GLI2: variants seen among roughly 807,000 people sequenced by gnomAD.
The protein encoded by GLI2 is transcription activator GLI2.
A neutral mutation model predicts 78.9 loss-of-function variants in GLI2; 22 were observed. The ratio of observed to expected loss-of-function variants is 0.28; its 90% CI spans 0.20 to 0.40. The LOEUF (loss-of-function observed/expected upper bound fraction) is 0.40, where lower values mean the gene tolerates loss of function less well. Among genes scored for constraint, GLI2 ranks in the 10% least tolerant of loss-of-function variants. The pLI, the probability that GLI2 is intolerant of heterozygous loss-of-function variation, is 1.00. For missense variants in GLI2, 2,097 were observed against 2,213.2 expected (o/e 0.95, Z 1.05); for synonymous variants, 974 against 963.7 (o/e 1.01, Z -0.20).
intron 1 of GLI2, among the ~76,000 whole-genome samples, chr2:120,796,446 C>T (rs1573388106): frequency 2.0e-5 from 3 of 152,214 alleles, no homozygotes; most frequent in African/African-American, 7.2e-5. Context: ...TGCTCAAGAC[C>T]CTCTGATGCC....
At chr2:120,780,251 G>A (rs1442240966) in intron 1 of GLI2, among the ~76,000 whole-genome samples, 2 of 152,198 alleles carry the variant, frequency 1.3e-5, no homozygotes, top group East Asian at 3.9e-4. Context: ...TTTGAATCCA[G>A]ATGAGCAGAT....
At chr2:120,856,116 C>A (rs1459246269) in intron 2 of GLI2, among the ~76,000 whole-genome samples, 3 of 152,124 alleles carry the variant, frequency 2.0e-5, no homozygotes, top group Non-Finnish European at 4.4e-5. Flanking sequence ...TGGAACTGAT[C>A]CCTGGGCTGC....
At chr2:120,983,004 C>A in intron 11 of GLI2, 124 bp downstream of exon 11, 1 of 825,370 alleles carries the variant, frequency 1.2e-6, no homozygotes, top group Non-Finnish European at 2.0e-6. Flanking sequence ...CACTGACCAG[C>A]TATACATCCT....
Position 120,955,427 on chromosome 2 carries a change from G to A in GLI2, c.640G>A (p.Asp214Asn), listed in dbSNP as rs1681209904. 2 of 1,597,066 alleles carry A rather than the reference G, an allele frequency of 1.3e-6. No homozygotes were observed. Among genetic ancestry groups the A allele is most frequent in the South Asian group, 1.1e-5 (1 of 89,808 alleles). The part of the protein sequence containing the change: ...PHLHDYLNPV[D>N]VSRFSSPRVT... ...TCTCCACGACTACCTCAACCCCGTG[G>A]ACGGTGAGTGCTGGCCCCCAGGGGC... is the stretch of plus-strand genomic sequence containing the variant. Residue 214 changes from aspartate (D) to asparagine (N), a missense_variant, in exon 5 of 14, where the codon GAC becomes AAC. Coordinates refer to ENST00000361492, the MANE Select transcript of GLI2 (RefSeq NM_001374353.1).
Position 120,879,065 on chromosome 2 carries a change from C to T in GLI2, c.149-48296C>T, listed in dbSNP as rs1465318952. 3.3e-5 allele frequency among the ~76,000 whole-genome samples: 5 copies of T among 152,276 alleles called. No homozygotes were observed. In the South Asian group the frequency reaches 1.0e-3, roughly 32 times the overall value. On this transcript the variant is annotated intron_variant, in intron 2 of 13. Coordinates refer to ENST00000361492, the MANE Select transcript of GLI2 (RefSeq NM_001374353.1). ...GTGTGTGTCTCCTCCGGCATTGCCC[C>T]GTGGGGTTTGGAATGGCGCTGGCTG...
intron 1 of GLI2, among the ~76,000 whole-genome samples, chr2:120,755,860 A>C (rs1454195173): frequency 6.6e-6 from 1 of 152,152 alleles, no homozygotes; most frequent in Non-Finnish European, 1.5e-5. Flanking sequence ...TTGCCTTTGC[A>C]CCTTTGTAAA....
chr2:120,809,119 A>T (rs1297612592), intron 2 of GLI2, among the ~76,000 whole-genome samples: 1 of 152,264 alleles, frequency 6.6e-6, no homozygotes, highest in East Asian at 1.9e-4. Flanking sequence ...TGACCCAAGC[A>T]TCCATCCGCT....
chr2:120,855,899 C>CAT (rs1343736411), intron 2 of GLI2, among the ~76,000 whole-genome samples: 1 of 152,186 alleles, frequency 6.6e-6, no homozygotes, highest in Non-Finnish European at 1.5e-5. Context: ...GGAAGGCACA[C>CAT]ATATGTTCTA....
intron 2 of GLI2, among the ~76,000 whole-genome samples, chr2:120,827,695 T>A (rs1049418437): frequency 2.0e-5 from 3 of 152,242 alleles, no homozygotes; most frequent in Non-Finnish European, 4.4e-5. Context: ...AGAGGGCTGT[T>A]ATGCAGCCTT....
At chr2:120,937,353 G>C (rs923785329) in intron 3 of GLI2, among the ~76,000 whole-genome samples, 1 of 152,122 alleles carries the variant, frequency 6.6e-6, no homozygotes, top group East Asian at 1.9e-4. Flanking sequence ...CACCTGAATA[G>C]TGTGCATTGC....
chr2:120,773,969 C>G lies in GLI2; in HGVS notation c.-30-23322C>G, dbSNP rs139200699. Among the ~76,000 whole-genome samples, 1,304 of 134,884 alleles carry G rather than the reference C, an allele frequency of 9.7e-3. 25 individuals carry two copies. The highest frequency in any genetic ancestry group is 0.036 in the Admixed American group (466 of 13,050). 88.5% of individuals were successfully genotyped at this position (134,884 alleles called of 152,430 possible). A position where few individuals can be genotyped will look rare whatever the true frequency, so the allele number is the denominator to read the frequency against. On this transcript the variant is annotated intron_variant, in intron 1 of 13. Transcript: ENST00000361492. Reference sequence around the variant, plus strand: ...TCCCTCCCTCCTTCCCTCCCTCCTTCCCTCTCTCCTTCCCTCTCTGGCTTC... The same window carrying G: ...TCCCTCCCTCCTTCCCTCCCTCCTTGCCTCTCTCCTTCCCTCTCTGGCTTC...
At chr2:120,935,291 C>T (rs1680144620) in intron 3 of GLI2, among the ~76,000 whole-genome samples, 2 of 152,232 alleles carry the variant, frequency 1.3e-5, no homozygotes, top group African/African-American at 4.8e-5. Context: ...TTCCTTAAAA[C>T]CGGCTGTTGC....
intron 2 of GLI2, among the ~76,000 whole-genome samples, chr2:120,907,110 C>G (rs147585473): frequency 1.3e-5 from 2 of 152,296 alleles, no homozygotes; most frequent in Non-Finnish European, 2.9e-5. Context: ...ATCAAACAAG[C>G]CTAGTCGCAG....
At chr2:120,774,176 C>A (rs1300002397) in intron 1 of GLI2, among the ~76,000 whole-genome samples, 5 of 152,132 alleles carry the variant, frequency 3.3e-5, no homozygotes, top group African/African-American at 9.7e-5. Context: ...CTGAACTGGG[C>A]CTTCCATTCA....
chr2:120,838,477 C>G (rs1400508486), intron 2 of GLI2, among the ~76,000 whole-genome samples: 1 of 152,090 alleles, frequency 6.6e-6, no homozygotes, highest in Non-Finnish European at 1.5e-5. Flanking sequence ...CAATTTTTCT[C>G]TCTTTAGTTA....
chr2:120,870,590 G>C (rs760718992), intron 2 of GLI2, among the ~76,000 whole-genome samples: 1 of 152,162 alleles, frequency 6.6e-6, no homozygotes, highest in East Asian at 1.9e-4. Flanking sequence ...TGAACTTCAC[G>C]GATAGCGCTG....
chr2:120,965,914 G>A (rs771165216), intron 5 of GLI2, among the ~76,000 whole-genome samples: 1 of 152,190 alleles, frequency 6.6e-6, no homozygotes, highest in Non-Finnish European at 1.5e-5. Context: ...CCTCTGTGGG[G>A]TCAGAGCAAG....
chr2:120,792,242 T>TAAC (rs1403267842), intron 1 of GLI2: 1 of 152,190 alleles, frequency 6.6e-6, no homozygotes, highest in African/African-American at 2.4e-5. Context: ...TAACTCAGAG[T>TAAC]TCTTAACCTT....
At chr2:120,947,010 G>C (rs76163133) in intron 3 of GLI2, among the ~76,000 whole-genome samples, 3,370 of 152,310 alleles carry the variant, frequency 0.022, 133 homozygotes, top group African/African-American at 0.078. Flanking sequence ...TGGGGTTGGG[G>C]GGTTCCAGCT....
Sources: allele counts gnomAD v4.1 joint callset (sites outside exome capture counted in the v4.1 genomes callset), GRCh38; gene constraint gnomAD v4.1.1; transcripts MANE v1.5; gene names NCBI Gene and HGNC (gene_info 2026-07-23, HGNC 2026-07-21).